Variants in ARB2A observed in about 807,000 individuals in gnomAD.
ARB2A encodes ARB2 cotranscriptional regulator A.
the ARB2A span, among the ~76,000 whole-genome samples, chr5:93,988,624 A>G: frequency 6.6e-6 from 1 of 152,190 alleles, no homozygotes; most frequent in Non-Finnish European, 1.5e-5. Context: ...TAAATTTTCA[A>G]AGAGTAGCAA....
the ARB2A span, among the ~76,000 whole-genome samples, chr5:93,903,709 CTGTGTGTGTGTG>C: frequency 1.2e-4 from 18 of 144,446 alleles, no homozygotes; most frequent in African/African-American, 3.3e-4. Context: ...TTCTATATAT[CTGTGTGTGTGTG>C]TGTGTGTGTG....
At chr5:93,659,140 T>C in the ARB2A span, among the ~76,000 whole-genome samples, 1 of 152,164 alleles carries the variant, frequency 6.6e-6, no homozygotes, top group Admixed American at 6.6e-5. Context: ...TGTGATGCTA[T>C]ATAAAAATGA....
At chr5:94,089,335 G>A in the ARB2A span, among the ~76,000 whole-genome samples, 1 of 152,038 alleles carries the variant, frequency 6.6e-6, no homozygotes, top group African/African-American at 2.4e-5. Context: ...TAGCACTATC[G>A]CTTAGTCTAA....
the ARB2A span, among the ~76,000 whole-genome samples, chr5:93,719,894 T>G: frequency 6.6e-6 from 1 of 152,200 alleles, no homozygotes; most frequent in African/African-American, 2.4e-5. Context: ...TGAGCTTCTT[T>G]TCTCATTTTC....
the ARB2A span, chr5:93,736,882 A>G: frequency 6.6e-6 from 1 of 152,212 alleles, no homozygotes; most frequent in Non-Finnish European, 1.5e-5. Context: ...TTTTTCTCCT[A>G]AGAACAAAAA....
chr5:93,776,355 T>A, the ARB2A span: 1 of 697,798 alleles, frequency 1.4e-6, no homozygotes, highest in Non-Finnish European at 2.3e-6. Flanking sequence ...ATTCAATTTA[T>A]TTTCCATACA....
chr5:93,981,181 C>T, the ARB2A span, among the ~76,000 whole-genome samples: 3 of 151,904 alleles, frequency 2.0e-5, no homozygotes, highest in East Asian at 3.9e-4. Context: ...GATCCTCCCA[C>T]CTCAGCTCCC....
the ARB2A span, among the ~76,000 whole-genome samples, chr5:94,062,478 G>A: frequency 6.6e-6 from 1 of 152,158 alleles, no homozygotes; most frequent in African/African-American, 2.4e-5. Flanking sequence ...GATCAGCTGG[G>A]AGCCTGGAGA....
the ARB2A span, among the ~76,000 whole-genome samples, chr5:94,080,235 A>G: frequency 6.6e-6 from 1 of 152,178 alleles, no homozygotes; most frequent in Non-Finnish European, 1.5e-5. Context: ...AATTATGAGC[A>G]TCATATAAAC....
At chr5:93,666,580 T>TTTA in the ARB2A span, among the ~76,000 whole-genome samples, 1 of 151,970 alleles carries the variant, frequency 6.6e-6, no homozygotes, top group Non-Finnish European at 1.5e-5. Flanking sequence ...GAAAAGGAGA[T>TTTA]TTATTATTAA....
chr5:93,801,268 CTATT>C, the ARB2A span, among the ~76,000 whole-genome samples: 13 of 152,224 alleles, frequency 8.5e-5, no homozygotes, highest in Admixed American at 2.6e-4. Flanking sequence ...ACTGGATACT[CTATT>C]TATTTGTGAG....
the ARB2A span, among the ~76,000 whole-genome samples, chr5:94,024,230 A>C: frequency 6.6e-6 from 1 of 152,114 alleles, no homozygotes; most frequent in African/African-American, 2.4e-5. Flanking sequence ...TTTTTGAGTC[A>C]AGCAGATTGG....
At chr5:93,645,668 A>G in the ARB2A span, among the ~76,000 whole-genome samples, 1 of 152,174 alleles carries the variant, frequency 6.6e-6, no homozygotes, top group Non-Finnish European at 1.5e-5. Context: ...ACTAAAGTGT[A>G]GTATCTAAAA....
At chr5:94,088,858 A>T in the ARB2A span, among the ~76,000 whole-genome samples, 24 of 152,312 alleles carry the variant, frequency 1.6e-4, no homozygotes, top group Non-Finnish European at 2.6e-4. Context: ...GCACCTTGCA[A>T]ACGAAAAATG....
At chr5:93,968,257 G>A in the ARB2A span, among the ~76,000 whole-genome samples, 1 of 152,090 alleles carries the variant, frequency 6.6e-6, no homozygotes, top group Non-Finnish European at 1.5e-5. Context: ...ATATAGCAGA[G>A]ATAGTGGAAT....
chr5:93,665,092 G>C, the ARB2A span, among the ~76,000 whole-genome samples: 2 of 152,166 alleles, frequency 1.3e-5, no homozygotes, highest in African/African-American at 4.8e-5. Flanking sequence ...CTCCCAAAGT[G>C]CTGGGATTAC....
At chr5:93,855,960 A>G in the ARB2A span, among the ~76,000 whole-genome samples, 1 of 152,048 alleles carries the variant, frequency 6.6e-6, no homozygotes, top group Non-Finnish European at 1.5e-5. Context: ...ACAAAGCTGG[A>G]CAGAGAATGA....
chr5:94,065,591 T>C, the ARB2A span, among the ~76,000 whole-genome samples: 1 of 152,062 alleles, frequency 6.6e-6, no homozygotes, highest in Non-Finnish European at 1.5e-5. Context: ...TTATATCAGA[T>C]AAAGCAGAAT....
the ARB2A span, among the ~76,000 whole-genome samples, chr5:93,917,223 A>G: frequency 1.3e-5 from 2 of 152,148 alleles, no homozygotes; most frequent in African/African-American, 4.8e-5. Context: ...TGAATTCCCC[A>G]CTAATAATGT....
Sources: allele counts gnomAD v4.1 joint callset (sites outside exome capture counted in the v4.1 genomes callset), GRCh38; gene constraint gnomAD v4.1.1; transcripts MANE v1.5; gene names NCBI Gene and HGNC (gene_info 2026-07-23, HGNC 2026-07-21).